The following RBMS2 variants were observed in gnomAD, a reference collection of about 807,000 sequenced individuals.
The protein encoded by RBMS2 is RNA-binding motif, single-stranded-interacting protein 2.
A neutral mutation model predicts 58.4 loss-of-function variants in RBMS2; 38 were observed. The observed-to-expected ratio is 0.65, with a 90% CI of 0.50 to 0.85. The LOEUF (loss-of-function observed/expected upper bound fraction) is 0.85, where lower values mean the gene tolerates loss of function less well. RBMS2 is among the 40% of genes least tolerant of loss of function. The pLI is 0.00. For missense variants in RBMS2, 367 were observed against 503.7 expected (o/e 0.73, Z 2.60); for synonymous variants, 151 against 180.7 (o/e 0.84, Z 1.32).
intron 2 of RBMS2, among the ~76,000 whole-genome samples, chr12:56,566,945 A>G (rs532531050): frequency 6.6e-6 from 1 of 152,374 alleles, no homozygotes; most frequent in African/African-American, 2.4e-5. Context: ...TTGAGGAACT[A>G]TTTATAGGAA....
chr12:56,550,040 A>C (rs1332022836), intron 1 of RBMS2, among the ~76,000 whole-genome samples: 1 of 152,088 alleles, frequency 6.6e-6, no homozygotes, highest in Non-Finnish European at 1.5e-5. Flanking sequence ...AAAAAAAGAA[A>C]ATGAAGAGCC....
intron 5 of RBMS2, among the ~76,000 whole-genome samples, chr12:56,574,191 C>G (rs1882790842): frequency 6.6e-6 from 1 of 152,136 alleles, no homozygotes; most frequent in Non-Finnish European, 1.5e-5. Context: ...ACTTCATGGT[C>G]CATACAGCTT....
At chr12:56,574,978 C>G (rs998471113) in intron 5 of RBMS2, among the ~76,000 whole-genome samples, 1 of 151,906 alleles carries the variant, frequency 6.6e-6, no homozygotes, top group African/African-American at 2.4e-5. Flanking sequence ...GAAACCCCAT[C>G]TCTACTAAAA....
intron 1 of RBMS2, among the ~76,000 whole-genome samples, chr12:56,556,864 T>G (rs1421485596): frequency 1.3e-5 from 2 of 152,196 alleles, no homozygotes; most frequent in African/African-American, 4.8e-5. Context: ...TAATATTAAC[T>G]GATGATATTA....
At chr12:56,530,932 CTG>C (rs1873622191) in intron 1 of RBMS2, among the ~76,000 whole-genome samples, 1 of 152,152 alleles carries the variant, frequency 6.6e-6, no homozygotes, top group South Asian at 2.1e-4. Context: ...TAAGGCATGA[CTG>C]TGGCCCTTTA....
At chr12:56,557,404 CA>C (rs1879425923) in intron 1 of RBMS2, among the ~76,000 whole-genome samples, 2 of 152,044 alleles carry the variant, frequency 1.3e-5, no homozygotes, top group African/African-American at 4.8e-5. Flanking sequence ...TCTTTGGTGT[CA>C]AACCTATGCA....
intron 1 of RBMS2, among the ~76,000 whole-genome samples, chr12:56,553,082 A>G (rs1878572019): frequency 6.7e-6 from 1 of 150,068 alleles, no homozygotes; most frequent in African/African-American, 2.5e-5. Context: ...GCGCCCAGCT[A>G]ATTTTTGTAT....
intron 1 of RBMS2, among the ~76,000 whole-genome samples, chr12:56,532,725 A>G (rs139428237): frequency 6.6e-6 from 1 of 151,846 alleles, no homozygotes; most frequent in African/African-American, 2.4e-5. Context: ...TATCTTGAAT[A>G]TATTGTCAGA....
At chr12:56,524,147 A>C (rs1872228858) in intron 1 of RBMS2, among the ~76,000 whole-genome samples, 1 of 152,192 alleles carries the variant, frequency 6.6e-6, no homozygotes, top group South Asian at 2.1e-4. Context: ...AATCTAGGAT[A>C]GTATAGGGGA....
chr12:56,584,286 A>G (rs897298686), intron 9 of RBMS2, among the ~76,000 whole-genome samples: 3 of 152,054 alleles, frequency 2.0e-5, no homozygotes, highest in Admixed American at 6.6e-5. Context: ...TACAAAAATT[A>G]GCCAGGTGAG....
chr12:56,573,496 A>G (rs1298662482), intron 5 of RBMS2, among the ~76,000 whole-genome samples: 1 of 151,038 alleles, frequency 6.6e-6, no homozygotes, highest in East Asian at 1.9e-4. Flanking sequence ...AAAAAAAAAA[A>G]AAAAAAGAAG....
chr12:56,564,827 A>T (rs1881047045), intron 2 of RBMS2, among the ~76,000 whole-genome samples: 1 of 152,158 alleles, frequency 6.6e-6, no homozygotes, highest in Non-Finnish European at 1.5e-5. Flanking sequence ...TACAAAAATT[A>T]GCTGGGTGTG....
intron 2 of RBMS2, among the ~76,000 whole-genome samples, chr12:56,567,385 CAAA>C (rs34292833): frequency 1.2e-5 from 1 of 80,936 alleles, no homozygotes; most frequent in African/African-American, 4.7e-5. Context: ...AACTCCATCT[CAAA>C]AAAAAAAAAA....
chr12:56,566,549 G>A (rs1881376136), intron 2 of RBMS2, among the ~76,000 whole-genome samples: 1 of 152,198 alleles, frequency 6.6e-6, no homozygotes, highest in Non-Finnish European at 1.5e-5. Context: ...TGGGCACAGT[G>A]CCTCACACCT....
intron 1 of RBMS2, among the ~76,000 whole-genome samples, chr12:56,561,201 T>C (rs1203715257): frequency 6.6e-6 from 1 of 152,216 alleles, no homozygotes; most frequent in East Asian, 1.9e-4. Context: ...ATCTTTGCTA[T>C]TGTGAATAGT....
intron 10 of RBMS2, among the ~76,000 whole-genome samples, chr12:56,587,210 T>C (rs1300007506): frequency 2.7e-5 from 4 of 149,922 alleles, no homozygotes; most frequent in Non-Finnish European, 5.9e-5. Flanking sequence ...GAGGTTGCAG[T>C]GAGCTGAGAT....
In RBMS2 at chr12:56,581,442, A is replaced by G. The variant is rs1883935225; in HGVS notation, c.666A>G (p.Pro222=). The change falls in exon 7 of 14, where the codon CCA becomes CCG. Residue 222 remains proline, a synonymous_variant. Transcript: ENST00000262031. ...PLLCKFADGG[P]KKRQNQGKFV... ...TTTGCAAATTTGCTGATGGCGGGCC[A>G]AAGAAACGACAGAACCAAGGAAAAT... The G allele has an allele frequency of 6.2e-7, 1 of 1,614,222 alleles. No individual in the cohort carries two copies.
intron 1 of RBMS2, among the ~76,000 whole-genome samples, chr12:56,555,072 T>TA (rs11448072): frequency 0.93 from 138,624 of 148,982 alleles, 65,043 homozygotes; most frequent in East Asian, 1. Context: ...ATATACACTT[T>TA]AAAAAAAAAA....
chr12:56,527,455 T>C (rs918262341), intron 1 of RBMS2, among the ~76,000 whole-genome samples: 5 of 151,918 alleles, frequency 3.3e-5, no homozygotes, highest in African/African-American at 1.2e-4. Context: ...CTACTAAATA[T>C]ACAAAAATTA....
Sources: allele counts gnomAD v4.1 joint callset (sites outside exome capture counted in the v4.1 genomes callset), GRCh38; gene constraint gnomAD v4.1.1; transcripts MANE v1.5; gene names NCBI Gene and HGNC (gene_info 2026-07-23, HGNC 2026-07-21).